LDLRAD3: variants seen among roughly 807,000 people sequenced by gnomAD.
LDLRAD3 encodes the protein low density lipoprotein receptor class A domain containing 3.
In LDLRAD3, 20 loss-of-function variants were observed where a neutral mutation model predicts 29.4. The ratio of observed to expected loss-of-function variants is 0.68; its 90% confidence interval spans 0.48 to 0.99. The LOEUF (loss-of-function observed/expected upper bound fraction) is 0.99. LDLRAD3 is among the 50% of genes least tolerant of loss of function. The pLI is 0.00. For synonymous variants in LDLRAD3, 157 were observed against 192.7 expected (o/e 0.81, Z 1.53); for missense variants, 420 against 454.3 (o/e 0.92, Z 0.69).
chr11:36,115,203 G>A (rs1273544026), intron 4 of LDLRAD3, among the ~76,000 whole-genome samples: 1 of 152,216 alleles, frequency 6.6e-6, no homozygotes, highest in Non-Finnish European at 1.5e-5. Context: ...TGTCCCAGCT[G>A]CAGATACTGT....
At chr11:36,203,001 G>C (rs1442519348) in intron 4 of LDLRAD3, among the ~76,000 whole-genome samples, 1 of 151,868 alleles carries the variant, frequency 6.6e-6, no homozygotes, top group Non-Finnish European at 1.5e-5. Flanking sequence ...CAATGGTGCC[G>C]TCATAGCACA....
chr11:36,106,170 G>A (rs1398426727), intron 4 of LDLRAD3, among the ~76,000 whole-genome samples: 1 of 152,134 alleles, frequency 6.6e-6, no homozygotes, highest in Non-Finnish European at 1.5e-5. Flanking sequence ...TATGGTGTGG[G>A]ACTTGGTAGA....
chr11:35,983,970 A>G (rs557733078), intron 1 of LDLRAD3, among the ~76,000 whole-genome samples: 3 of 152,346 alleles, frequency 2.0e-5, no homozygotes, highest in African/African-American at 4.8e-5. Flanking sequence ...TCTAAAGCCA[A>G]TGACAAATGT....
chr11:36,108,319 C>CAAAAAAAAAAAA (rs60376519), intron 4 of LDLRAD3, among the ~76,000 whole-genome samples: 12 of 48,980 alleles, frequency 2.4e-4, no homozygotes, highest in Admixed American at 3.8e-4. Context: ...GACTCCATCT[C>CAAAAAAAAAAAA]AAAAAAAAAA....
chr11:35,996,456 A>T (rs1177443716), intron 1 of LDLRAD3, among the ~76,000 whole-genome samples: 1 of 152,192 alleles, frequency 6.6e-6, no homozygotes, highest in Non-Finnish European at 1.5e-5. Context: ...AACAGATATA[A>T]TAATAATAAA....
At chr11:36,077,152 C>T (rs959693782) in intron 2 of LDLRAD3, among the ~76,000 whole-genome samples, 21 of 152,096 alleles carry the variant, frequency 1.4e-4, no homozygotes, top group African/African-American at 4.8e-4. Context: ...ACCTTCTCAT[C>T]CTGTTATCTT....
In LDLRAD3 at chr11:36,230,887, C is replaced by T. The variant is rs1855566628; in HGVS notation, c.*1490C>T. 6.6e-6 allele frequency: 1 copy of T among 152,428 alleles called. No homozygotes were observed. Among genetic ancestry groups the T allele is most frequent in the East Asian group, 1.9e-4 (1 of 5,194 alleles). 9.4% of individuals were successfully genotyped at this position (152,428 alleles called of 1,614,324 possible). ...CTTTGAGGTTATTATTTATCAAGTT[C>T]TTGAAGGAAGCAGAAAGAGGGACTC... On this transcript the variant is annotated 3_prime_UTR_variant, in exon 6 of 6. Transcript: ENST00000315571.
At chr11:35,985,974 G>A (rs556717126) in intron 1 of LDLRAD3, among the ~76,000 whole-genome samples, 118 of 152,160 alleles carry the variant, frequency 7.8e-4, no homozygotes, top group African/African-American at 2.7e-3. Context: ...TGTGCCCAAG[G>A]AGAGGGCAGG....
At chr11:36,102,891 G>A (rs868833969) in intron 4 of LDLRAD3, among the ~76,000 whole-genome samples, 4 of 152,066 alleles carry the variant, frequency 2.6e-5, no homozygotes, top group African/African-American at 9.7e-5. Context: ...AACCTCTGAT[G>A]ATCCCCACCT....
chr11:36,041,151 T>G (rs1200358564), intron 2 of LDLRAD3, among the ~76,000 whole-genome samples: 2 of 152,228 alleles, frequency 1.3e-5, no homozygotes, highest in African/African-American at 2.4e-5. Context: ...GGAATAAAGA[T>G]AATGTTTTAC....
At chr11:36,158,853 C>T (rs1854393300) in intron 4 of LDLRAD3, among the ~76,000 whole-genome samples, 1 of 151,952 alleles carries the variant, frequency 6.6e-6, no homozygotes, top group African/African-American at 2.4e-5. Context: ...TGTTGTAATC[C>T]ATGTATACGT....
At chr11:36,181,928 T>TTCTCTCTCTG (rs71044554) in intron 4 of LDLRAD3, among the ~76,000 whole-genome samples, 3,325 of 152,250 alleles carry the variant, frequency 0.022, 114 homozygotes, top group African/African-American at 0.074. Context: ...CTCTCACTGT[T>TTCTCTCTCTG]TCTCTCTCTG....
At chr11:36,062,023 TAGAC>T (rs1408193127) in intron 2 of LDLRAD3, among the ~76,000 whole-genome samples, 1 of 151,992 alleles carries the variant, frequency 6.6e-6, no homozygotes, top group African/African-American at 2.4e-5. Context: ...CTCTTAGCCT[TAGAC>T]AGGCATCTTC....
At chr11:35,957,455 G>A (rs955143508) in intron 1 of LDLRAD3, among the ~76,000 whole-genome samples, 1 of 152,162 alleles carries the variant, frequency 6.6e-6, no homozygotes, top group Admixed American at 6.5e-5. Flanking sequence ...TTACATGATG[G>A]TCATGAGAAT....
intron 3 of LDLRAD3, among the ~76,000 whole-genome samples, chr11:36,086,247 G>A (rs1394357083): frequency 6.6e-6 from 1 of 152,038 alleles, no homozygotes; most frequent in Non-Finnish European, 1.5e-5. Flanking sequence ...GTGTCATCTT[G>A]GCATTTGTCT....
rs145332263 is a variant in LDLRAD3 at position 35,944,794 on chromosome 11, C to CG, written c.46+651dup. ...AGACGTCTGACCACCCTACTTGCCC[C>CG]GCGATGGGCGCCCTGACCGGCGAGG... On this transcript the variant is annotated intron_variant, in intron 1 of 5. Coordinates refer to ENST00000315571, the MANE Select transcript of LDLRAD3 (RefSeq NM_174902.4). The surrounding 1 kb of genome is among the most constrained non-coding windows in gnomAD (Gnocchi z 4.9). 4.5e-3 allele frequency among the ~76,000 whole-genome samples: 690 copies of CG among 152,354 alleles called. 5 individuals carry two copies. Among genetic ancestry groups the CG allele is most frequent in the African/African-American group, 0.016 (651 of 41,588 alleles).
intron 4 of LDLRAD3, among the ~76,000 whole-genome samples, chr11:36,220,787 A>G (rs147896780): frequency 2.2e-3 from 328 of 152,274 alleles, no homozygotes; most frequent in African/African-American, 7.6e-3. Context: ...GTGGGGATGG[A>G]AAGGGTCTAT....
At chr11:36,035,472 A>G (rs574675235) in intron 1 of LDLRAD3, among the ~76,000 whole-genome samples, 1 of 152,296 alleles carries the variant, frequency 6.6e-6, no homozygotes, top group African/African-American at 2.4e-5. Context: ...CTTGGTTCTC[A>G]GCTTCCAGTA....
intron 4 of LDLRAD3, among the ~76,000 whole-genome samples, chr11:36,154,178 A>T (rs1854315299): frequency 6.6e-6 from 1 of 152,176 alleles, no homozygotes; most frequent in South Asian, 2.1e-4. Context: ...GGCATTCTTA[A>T]AGAGTCCCAA....
Sources: allele counts gnomAD v4.1 joint callset (sites outside exome capture counted in the v4.1 genomes callset), GRCh38; gene constraint gnomAD v4.1.1; non-coding constraint Gnocchi (gnomAD v3.1); transcripts MANE v1.5; gene names NCBI Gene and HGNC (gene_info 2026-07-23, HGNC 2026-07-21).